DLC1: variants seen among roughly 807,000 people sequenced by gnomAD.
DLC1 encodes the protein rho GTPase-activating protein 7.
In DLC1, 54 loss-of-function variants were observed where a neutral mutation model predicts 140.3. The ratio of observed to expected loss-of-function variants is 0.38; its 90% CI spans 0.31 to 0.48. The LOEUF (loss-of-function observed/expected upper bound fraction) is 0.48. DLC1 is among the 20% of genes least tolerant of loss of function. The probability of loss-of-function intolerance (pLI) is 0.96; values close to 1 mark genes in which losing one functional copy is unlikely to be tolerated. For synonymous variants in DLC1, 986 were observed against 728.1 expected (o/e 1.35, Z -5.70); for missense variants, 2,536 against 1,907.0 (o/e 1.33, Z -6.14).
At chr8:13,513,513 C>G (rs567327974) in intron 1 of DLC1, among the ~76,000 whole-genome samples, 1 of 152,124 alleles carries the variant, frequency 6.6e-6, no homozygotes, top group Admixed American at 6.5e-5. Flanking sequence ...ATCCAACTGT[C>G]AAAATAGCTC....
chr8:13,489,968 C>T (rs907101871), intron 2 of DLC1, among the ~76,000 whole-genome samples: 10 of 152,268 alleles, frequency 6.6e-5, no homozygotes, highest in Admixed American at 2.0e-4. Context: ...TTCCATTTTA[C>T]TTAATGTTCC....
chr8:13,370,901 C>G (rs1334670864), intron 4 of DLC1, among the ~76,000 whole-genome samples: 2 of 152,160 alleles, frequency 1.3e-5, no homozygotes, highest in Non-Finnish European at 2.9e-5. Context: ...CACCACAACA[C>G]AGCCACACAG....
intron 4 of DLC1, among the ~76,000 whole-genome samples, chr8:13,330,948 A>T (rs1027211028): frequency 6.6e-6 from 1 of 152,208 alleles, no homozygotes. Flanking sequence ...TAAAATAAAC[A>T]TAATGGATAG....
At chr8:13,582,952 A>T (rs1431236770) in intron 1 of DLC1, among the ~76,000 whole-genome samples, 1 of 146,768 alleles carries the variant, frequency 6.8e-6, no homozygotes, top group African/African-American at 2.5e-5. Flanking sequence ...AAAACGGTAC[A>T]TACCTTAATT....
At chr8:13,202,988 A>G (rs967052610) in intron 5 of DLC1, among the ~76,000 whole-genome samples, 33 of 152,190 alleles carry the variant, frequency 2.2e-4, no homozygotes, top group African/African-American at 7.9e-4. Flanking sequence ...AACACATCTT[A>G]TTTCCTTTCT....
At chr8:13,466,355 T>G (rs552197385) in intron 2 of DLC1, among the ~76,000 whole-genome samples, 42 of 152,336 alleles carry the variant, frequency 2.8e-4, no homozygotes, top group African/African-American at 1.0e-3. Context: ...AAAACACTTC[T>G]GTTGTTTCAT....
At chr8:13,587,725 T>C (rs913083643) in intron 1 of DLC1, among the ~76,000 whole-genome samples, 16 of 151,252 alleles carry the variant, frequency 1.1e-4, no homozygotes, top group African/African-American at 3.4e-4. Flanking sequence ...AAAAATGAAG[T>C]CTTTTATTAT....
chr8:13,403,474 A>G (rs137891021), intron 2 of DLC1, among the ~76,000 whole-genome samples: 1 of 152,296 alleles, frequency 6.6e-6, no homozygotes, highest in East Asian at 1.9e-4. Flanking sequence ...TTCATTATAT[A>G]ATTTCTTTTT....
At chr8:13,398,078 C>G (rs2117237228) in intron 3 of DLC1, among the ~76,000 whole-genome samples, 1 of 152,000 alleles carries the variant, frequency 6.6e-6, no homozygotes, top group Non-Finnish European at 1.5e-5. Flanking sequence ...TTGCCGTGAG[C>G]CTAGATTGCG....
chr8:13,330,242 G>A (rs1004759202), intron 4 of DLC1, among the ~76,000 whole-genome samples: 1 of 152,058 alleles, frequency 6.6e-6, no homozygotes, highest in Non-Finnish European at 1.5e-5. Context: ...ATAAACCACC[G>A]CACCCAGCCT....
chr8:13,276,772 C>A, intron 5 of DLC1: 2 of 190,410 alleles, frequency 1.1e-5, no homozygotes, highest in Non-Finnish European at 1.9e-5. Flanking sequence ...CTCGCGTTTT[C>A]AAAGGGAAAC....
At chr8:13,103,763 C>T (rs1364815769) in intron 7 of DLC1, among the ~76,000 whole-genome samples, 1 of 147,136 alleles carries the variant, frequency 6.8e-6, no homozygotes, top group Non-Finnish European at 1.5e-5. Context: ...TCGCTTGAAC[C>T]TGGGAGGTGA....
intron 5 of DLC1, among the ~76,000 whole-genome samples, chr8:13,235,934 A>C (rs1000873702): frequency 2.0e-5 from 3 of 152,008 alleles, no homozygotes; most frequent in African/African-American, 7.2e-5. Context: ...TTATTATATA[A>C]AACACTACTA....
chr8:13,391,984 T>A (rs1231573552), intron 4 of DLC1, among the ~76,000 whole-genome samples: 1 of 152,184 alleles, frequency 6.6e-6, no homozygotes, highest in Admixed American at 6.6e-5. Context: ...GAAAAACATT[T>A]TCTTTAATCA....
At chr8:13,496,777 G>T (rs1801523589) in intron 2 of DLC1, among the ~76,000 whole-genome samples, 1 of 127,478 alleles carries the variant, frequency 7.8e-6, no homozygotes, top group Admixed American at 9.3e-5. Context: ...CAAATTCTTA[G>T]ACCATTTCCT....
chr8:13,310,151 T>G (rs1485874551), intron 4 of DLC1, among the ~76,000 whole-genome samples: 1 of 152,182 alleles, frequency 6.6e-6, no homozygotes, highest in Non-Finnish European at 1.5e-5. Flanking sequence ...ATGAAGCAAA[T>G]TTATTTTTTT....
At chr8:13,309,891 A>C (rs2117543065) in intron 4 of DLC1, among the ~76,000 whole-genome samples, 1 of 152,274 alleles carries the variant, frequency 6.6e-6, no homozygotes, top group Admixed American at 6.5e-5. Flanking sequence ...ATGACTTAGG[A>C]ATATGCTTTT....
chr8:13,291,439 A>G (rs1831753347), intron 5 of DLC1, among the ~76,000 whole-genome samples: 1 of 137,402 alleles, frequency 7.3e-6, no homozygotes, highest in Non-Finnish European at 1.7e-5. Context: ...ATTAACTTCT[A>G]TTATTTGAGA....
intron 4 of DLC1, among the ~76,000 whole-genome samples, chr8:13,370,933 G>A (rs937184942): frequency 2.0e-5 from 3 of 152,112 alleles, no homozygotes; most frequent in African/African-American, 7.2e-5. Context: ...CATGATCCTG[G>A]CCAAGGGAAC....
Sources: allele counts gnomAD v4.1 joint callset (sites outside exome capture counted in the v4.1 genomes callset), GRCh38; gene constraint gnomAD v4.1.1; transcripts MANE v1.5; gene names NCBI Gene and HGNC (gene_info 2026-07-23, HGNC 2026-07-21).